Variants in NFIB observed in about 807,000 individuals in gnomAD.
NFIB encodes nuclear factor 1 B-type.
NFIB carries 11 observed loss-of-function variants against 61.5 expected under a neutral mutation model. That is an observed-to-expected ratio of 0.18 (90% CI 0.11 to 0.30). The LOEUF (loss-of-function observed/expected upper bound fraction) is 0.30. Ranked by LOEUF, NFIB falls within the 10% of genes least tolerant of loss-of-function variation. NFIB has a pLI of 1.00. For synonymous variants in NFIB, 260 were observed against 216.5 expected (o/e 1.20, Z -1.76); for missense variants, 471 against 608.9 (o/e 0.77, Z 2.38).
At chr9:14,430,163 T>C in the NFIB span, among the ~76,000 whole-genome samples, 1 of 152,236 alleles carries the variant, frequency 6.6e-6, no homozygotes, top group African/African-American at 2.4e-5. Context: ...CATAAGCTTA[T>C]GGTAATAAAG....
chr9:14,200,828 G>T (rs192280211), intron 2 of NFIB, among the ~76,000 whole-genome samples: 2 of 151,978 alleles, frequency 1.3e-5, no homozygotes, highest in African/African-American at 4.8e-5. Flanking sequence ...CCCGTTTTTT[G>T]AGAACTCTGT....
intron 1 of NFIB, chr9:14,361,517 T>G (rs998521736): frequency 6.6e-6 from 1 of 152,226 alleles, no homozygotes; most frequent in Non-Finnish European, 1.5e-5. Context: ...TCACATCACA[T>G]ACATGCACAC....
chr9:14,524,552 G>T, the NFIB span, among the ~76,000 whole-genome samples: 1 of 152,298 alleles, frequency 6.6e-6, no homozygotes, highest in Admixed American at 6.5e-5. Context: ...AATGAAAAAT[G>T]TGAGTTGAAC....
intron 1 of NFIB, among the ~76,000 whole-genome samples, chr9:14,368,189 T>G (rs1588378751): frequency 6.8e-6 from 1 of 147,542 alleles, no homozygotes. Flanking sequence ...GGGAAACAAG[T>G]GGCTGGATGC....
chr9:14,305,538 A>T (rs1437325955), intron 2 of NFIB, among the ~76,000 whole-genome samples: 1 of 152,202 alleles, frequency 6.6e-6, no homozygotes, highest in East Asian at 1.9e-4. Flanking sequence ...CATTATTTGG[A>T]CTGTAATTCT....
chr9:14,451,699 T>C, the NFIB span, among the ~76,000 whole-genome samples: 25 of 152,336 alleles, frequency 1.6e-4, no homozygotes, highest in African/African-American at 6.0e-4. Context: ...TTCAGTAACT[T>C]AAGAGGGCTT....
At chr9:14,409,501 C>G in the NFIB span, among the ~76,000 whole-genome samples, 1 of 152,128 alleles carries the variant, frequency 6.6e-6, no homozygotes, top group Non-Finnish European at 1.5e-5. Flanking sequence ...CACCCCTGGC[C>G]CAGGCAGCAG....
At chr9:14,183,287 C>G (rs1032834066) in intron 2 of NFIB, among the ~76,000 whole-genome samples, 1 of 152,108 alleles carries the variant, frequency 6.6e-6, no homozygotes, top group East Asian at 1.9e-4. Flanking sequence ...GCTCAAAAGG[C>G]AGTAGATACC....
At chr9:14,215,557 T>C (rs2050768261) in intron 2 of NFIB, among the ~76,000 whole-genome samples, 1 of 152,152 alleles carries the variant, frequency 6.6e-6, no homozygotes, top group Admixed American at 6.5e-5. Context: ...TGAAAGTATG[T>C]CATCAAAAAG....
intron 2 of NFIB, among the ~76,000 whole-genome samples, chr9:14,251,983 GT>G (rs1300762227): frequency 2.0e-5 from 3 of 152,146 alleles, no homozygotes; most frequent in Non-Finnish European, 2.9e-5. Flanking sequence ...TCTTTGCATG[GT>G]AGTAAGACAT....
the NFIB span, among the ~76,000 whole-genome samples, chr9:14,446,353 T>C: frequency 6.6e-6 from 1 of 152,220 alleles, no homozygotes. Context: ...CCTTGTCTTA[T>C]CCTTCTGGGA....
At chr9:14,442,012 G>C in the NFIB span, among the ~76,000 whole-genome samples, 1 of 152,118 alleles carries the variant, frequency 6.6e-6, no homozygotes, top group Non-Finnish European at 1.5e-5. Context: ...ACACTTCACA[G>C]GAATTAGGTC....
chr9:14,254,044 G>A (rs936318722), intron 2 of NFIB, among the ~76,000 whole-genome samples: 5 of 152,096 alleles, frequency 3.3e-5, no homozygotes, highest in East Asian at 1.9e-4. Flanking sequence ...GCTCATGCCC[G>A]TAATCCCAGC....
intron 1 of NFIB, among the ~76,000 whole-genome samples, chr9:14,335,136 A>T (rs1362891058): frequency 6.6e-6 from 1 of 152,248 alleles, no homozygotes; most frequent in Admixed American, 6.5e-5. Context: ...GCTGCTATGA[A>T]CATTCATGTA....
In NFIB at chr9:14,146,742, G is replaced by A; in HGVS notation, c.872C>T (p.Pro291Leu). The A allele has an allele frequency of 1.2e-6, 2 of 1,610,128 alleles. No homozygotes were observed. The highest frequency in any genetic ancestry group is 1.7e-6 in the Non-Finnish European group (2 of 1,178,954). ...MEPSPTGDFY[P>L]SPSSPAAGSR... is the part of the protein sequence containing the mutation. Reference sequence around the variant, plus strand: ...TCCAGCAGCTGGTGAACTTGGAGAGGGGTAAAAGTCTCCTGTAGGACTTGG... The same window carrying A: ...TCCAGCAGCTGGTGAACTTGGAGAGAGGTAAAAGTCTCCTGTAGGACTTGG... The change falls in exon 6 of 11, where the codon CCC becomes CTC. Residue 291 changes from proline (P) to leucine (L), a missense_variant. Physicochemically the swap from Pro to Leu is moderately conservative, Grantham distance 98. Around this residue, in one of 2 missense-constraint regions of NFIB, gnomAD observed 372 missense variants for 395.6 expected, o/e 0.94. Coordinates refer to ENST00000380953, the MANE Select transcript of NFIB (RefSeq NM_001190737.2).
chr9:14,342,860 T>C (rs979088035), intron 1 of NFIB, among the ~76,000 whole-genome samples: 10 of 152,140 alleles, frequency 6.6e-5, no homozygotes, highest in Non-Finnish European at 8.8e-5. Context: ...AACCAAACAA[T>C]GAGGGTACAT....
At chr9:14,269,190 T>C (rs1232776763) in intron 2 of NFIB, among the ~76,000 whole-genome samples, 1 of 152,242 alleles carries the variant, frequency 6.6e-6, no homozygotes, top group Non-Finnish European at 1.5e-5. Flanking sequence ...TGATATCACA[T>C]ATAATACCAC....
At chr9:14,142,527 C>T (rs773016915) in intron 6 of NFIB, among the ~76,000 whole-genome samples, 8 of 151,956 alleles carry the variant, frequency 5.3e-5, no homozygotes, top group Non-Finnish European at 1.0e-4. Context: ...TTGAATTAGA[C>T]GAAAAACTAT....
the NFIB span, among the ~76,000 whole-genome samples, chr9:14,467,298 G>C: frequency 6.6e-6 from 1 of 152,186 alleles, no homozygotes; most frequent in African/African-American, 2.4e-5. Context: ...ACTGAGAGCT[G>C]TTCCTCTTCC....
Sources: gnomAD v4.1 joint callset for allele counts (sites outside exome capture counted in the v4.1 genomes callset) on GRCh38, gnomAD v4.1.1 for gene constraint, gnomAD v4.1.1 regional missense constraint, MANE v1.5 for transcripts, NCBI Gene and HGNC (gene_info 2026-07-23, HGNC 2026-07-21) for gene names.